Variants in CD82 observed in about 807,000 individuals in gnomAD.
The protein encoded by CD82 is CD82 molecule, also known as CD82 antigen.
Under a neutral mutation model 37.4 loss-of-function variants are expected in CD82, and 36 were observed. That is an observed-to-expected ratio of 0.96 (90% CI 0.74 to 1.27). CD82 has a LOEUF of 1.27. CD82 is among the 50% of genes most tolerant of loss of function. The pLI, the probability that CD82 is intolerant of heterozygous loss-of-function variation, is 0.00. For synonymous variants in CD82, 158 were observed against 137.4 expected (o/e 1.15, Z -1.05); for missense variants, 340 against 347.0 (o/e 0.98, Z 0.16).
chr11:44,589,574 T>C (rs1853109120), intron 2 of CD82, among the ~76,000 whole-genome samples: 1 of 152,216 alleles, frequency 6.6e-6, no homozygotes, highest in Non-Finnish European at 1.5e-5. Flanking sequence ...TCCGGGTCAT[T>C]GAGTCCTGAC....
At chr11:44,595,497 T>C (rs1324768404) in intron 3 of CD82, among the ~76,000 whole-genome samples, 2 of 151,536 alleles carry the variant, frequency 1.3e-5, no homozygotes, top group African/African-American at 2.4e-5. Context: ...TTTAACCCTA[T>C]AGTGTTAAAA....
At chr11:44,618,976 C>A in intron 9 of CD82, 73 bp from the exon 10 acceptor site, 2 of 1,309,478 alleles carry the variant, frequency 1.5e-6, no homozygotes, top group Non-Finnish European at 2.2e-6. Flanking sequence ...CCCATGTAAA[C>A]CTGGATGGTG....
intron 1 of CD82, among the ~76,000 whole-genome samples, chr11:44,582,255 T>C (rs1286372713): frequency 2.0e-5 from 3 of 152,202 alleles, no homozygotes; most frequent in African/African-American, 7.2e-5. Context: ...CTCATGAATG[T>C]TCCTTTTGCT....
At chr11:44,583,581 C>T (rs1303388414) in intron 1 of CD82, among the ~76,000 whole-genome samples, 1 of 152,144 alleles carries the variant, frequency 6.6e-6, no homozygotes, top group African/African-American at 2.4e-5. Flanking sequence ...CGGTGGGCTG[C>T]AGCATTTACC....
chr11:44,600,794 G>A (rs1853297234), intron 4 of CD82, among the ~76,000 whole-genome samples: 2 of 152,220 alleles, frequency 1.3e-5, no homozygotes, highest in Non-Finnish European at 2.9e-5. Flanking sequence ...ACAGCCCTGT[G>A]AGGTAGATAC....
Position 44,620,073 on chromosome 11 carries a change from A to T in CD82, c.*947A>T, listed in dbSNP as rs1375400884. 1 of 152,794 alleles carries T rather than the reference A, an allele frequency of 6.5e-6. No individual in the cohort carries two copies. Among genetic ancestry groups the T allele is most frequent in the African/African-American group, 2.4e-5 (1 of 41,304 alleles). 9.5% of individuals were successfully genotyped at this position (152,794 alleles called of 1,614,324 possible). A position where few individuals can be genotyped will look rare whatever the true frequency, so the allele number is the denominator to read the frequency against. ...GGAGGGGGTCTGCCTGGGTAAGGGG[A>T]TCTGGCTTGGCCCTGAGCTGCTTAG... On this transcript the variant is annotated 3_prime_UTR_variant, in exon 10 of 10. Transcript: ENST00000227155.
chr11:44,607,504 C>G (rs1853414830), intron 6 of CD82, among the ~76,000 whole-genome samples: 1 of 152,152 alleles, frequency 6.6e-6, no homozygotes, highest in Non-Finnish European at 1.5e-5. Flanking sequence ...CCCCAGTGAG[C>G]CGGTTTCTAT....
intron 3 of CD82, among the ~76,000 whole-genome samples, chr11:44,599,359 G>C (rs1853274411): frequency 6.6e-6 from 1 of 152,216 alleles, no homozygotes; most frequent in South Asian, 2.1e-4. Flanking sequence ...GCCCAGGCTG[G>C]TCTCAAACTC....
intron 6 of CD82, among the ~76,000 whole-genome samples, chr11:44,607,629 T>C (rs1472147884): frequency 6.6e-6 from 1 of 152,206 alleles, no homozygotes; most frequent in Non-Finnish European, 1.5e-5. Context: ...TGCCAGGAGC[T>C]GAGCTAGAAA....
intron 1 of CD82, chr11:44,585,219 T>C: frequency 2.2e-6 from 1 of 456,262 alleles, no homozygotes; most frequent in South Asian, 1.5e-5. Context: ...AGAGACTGGA[T>C]CAGGCCTCAG....
At chr11:44,567,992 TGTGGGGATATGCA>T (rs1852761568) in intron 1 of CD82, among the ~76,000 whole-genome samples, 1 of 152,090 alleles carries the variant, frequency 6.6e-6, no homozygotes, top group African/African-American at 2.4e-5. Context: ...TTTGGGAACG[TGTGGGGATATGCA>T]GTGGGAATAG....
intron 1 of CD82, among the ~76,000 whole-genome samples, chr11:44,577,289 T>A (rs1852907121): frequency 6.6e-6 from 1 of 152,188 alleles, no homozygotes; most frequent in African/African-American, 2.4e-5. Flanking sequence ...TTTTCCAGAC[T>A]CTCACACATG....
intron 1 of CD82, among the ~76,000 whole-genome samples, chr11:44,582,814 C>G (rs1852999839): frequency 6.6e-6 from 1 of 152,212 alleles, no homozygotes. Flanking sequence ...ATCTCTGGAG[C>G]CCTTGAGAAC....
In CD82 at chr11:44,605,101, C is replaced by T. The variant is rs146594387; in HGVS notation, c.180C>T (p.Ile60=). The change falls in exon 5 of 10, where the codon ATC becomes ATT. Residue 60 remains isoleucine (I), a synonymous_variant. Coordinates refer to ENST00000227155, the MANE Select transcript of CD82 (RefSeq NM_002231.4). ...TTAGGATGGGGGCCTATGTCTTCAT[C>T]GGCGTGGGGGCAGTCACTATGCTCA... ...SSLRMGAYVF[I]GVGAVTMLMG... The T allele has an allele frequency of 4.8e-5, 77 of 1,614,220 alleles. No individual in the cohort carries two copies. The African/African-American group carries it at 9.3e-4, about 20-fold the overall frequency.
chr11:44,609,274 G>C (rs1010002100), intron 6 of CD82, among the ~76,000 whole-genome samples: 1 of 152,236 alleles, frequency 6.6e-6, no homozygotes, highest in Non-Finnish European at 1.5e-5. Flanking sequence ...AGTGCAGGCA[G>C]TCAGGGATTC....
chr11:44,598,897 C>T (rs984992206), intron 3 of CD82, among the ~76,000 whole-genome samples: 10 of 152,218 alleles, frequency 6.6e-5, no homozygotes, highest in Admixed American at 6.5e-5. Context: ...ACGGGTCATC[C>T]ACCAGGTGGG....
chr11:44,571,538 T>G (rs965809836), intron 1 of CD82, among the ~76,000 whole-genome samples: 1 of 152,234 alleles, frequency 6.6e-6, no homozygotes, highest in Non-Finnish European at 1.5e-5. Flanking sequence ...TAGTTAGTGC[T>G]ATATATGTTC....
At chr11:44,605,233 G>A (rs376879805) in intron 5 of CD82, 51 bp downstream of exon 5, 1 of 1,607,474 alleles carries the variant, frequency 6.2e-7, no homozygotes, top group Non-Finnish European at 8.5e-7. Flanking sequence ...TCATCCAGCC[G>A]AGTGCAGCCT....
chr11:44,613,708 A>G (rs1460858795), intron 6 of CD82, among the ~76,000 whole-genome samples: 8 of 152,166 alleles, frequency 5.3e-5, no homozygotes, highest in Non-Finnish European at 1.2e-4. Flanking sequence ...CTGTAGCCCC[A>G]GCTACCTGGG....
Sources: gnomAD v4.1 joint callset for allele counts (sites outside exome capture counted in the v4.1 genomes callset) on GRCh38, gnomAD v4.1.1 for gene constraint, MANE v1.5 for transcripts, NCBI Gene and HGNC (gene_info 2026-07-23, HGNC 2026-07-21) for gene names.